The following PSMB7 variants were observed in gnomAD, a reference collection of about 807,000 sequenced individuals.
PSMB7 encodes the protein proteasome subunit beta type-7.
Under a neutral mutation model 28.1 loss-of-function variants are expected in PSMB7, and 5 were observed. The observed-to-expected ratio is 0.18, with a 90% CI of 0.09 to 0.37. The LOEUF (loss-of-function observed/expected upper bound fraction) is 0.37. Ranked by LOEUF, PSMB7 falls within the 10% of genes least tolerant of loss-of-function variation. The pLI is 1.00. For missense variants in PSMB7, 275 were observed against 346.2 expected (o/e 0.79, Z 1.63); for synonymous variants, 122 against 123.7 (o/e 0.99, Z 0.09).
intron 6 of PSMB7, among the ~76,000 whole-genome samples, chr9:124,370,323 T>C (rs1315207106): frequency 6.6e-6 from 1 of 151,514 alleles, no homozygotes; most frequent in East Asian, 1.9e-4. Context: ...TGTTTTTACT[T>C]CAGCTAGCAA....
Position 124,356,172 on chromosome 9 carries a change from C to T in PSMB7, c.722+592G>A, listed in dbSNP as rs1396480137. Among the ~76,000 whole-genome samples, 3 of 152,176 alleles carry T rather than the reference C, an allele frequency of 2.0e-5. No homozygotes were observed. The highest frequency in any genetic ancestry group is 4.4e-5 in the Non-Finnish European group (3 of 68,026). ...CTGCTCCTCTGACACATGCTAGCCA[C>T]CAGGTTTGGAAACCTCCCAGTTCTG... On this transcript the variant is annotated intron_variant, in intron 7 of 7. Coordinates refer to ENST00000259457, the MANE Select transcript of PSMB7 (RefSeq NM_002799.4). The surrounding 1 kb of genome is among the most constrained non-coding windows in gnomAD (Gnocchi z 4.4).
At chr9:124,393,220 G>A (rs1486162217) in intron 5 of PSMB7, among the ~76,000 whole-genome samples, 1 of 152,214 alleles carries the variant, frequency 6.6e-6, no homozygotes, top group Admixed American at 6.5e-5. Flanking sequence ...ACCTCTCACT[G>A]CTCGGTAAAA....
intron 6 of PSMB7, among the ~76,000 whole-genome samples, chr9:124,374,552 C>G (rs1395084234): frequency 6.6e-6 from 1 of 152,188 alleles, no homozygotes; most frequent in Admixed American, 6.5e-5. Flanking sequence ...GACACCAGTA[C>G]CATGGCTTGT....
chr9:124,378,836 A>G (rs1830637668), intron 6 of PSMB7, among the ~76,000 whole-genome samples: 2 of 152,248 alleles, frequency 1.3e-5, no homozygotes, highest in Non-Finnish European at 2.9e-5. Flanking sequence ...AGCTAATGCC[A>G]TATTTCCAGG....
intron 5 of PSMB7, among the ~76,000 whole-genome samples, chr9:124,388,646 G>C (rs919703556): frequency 2.0e-5 from 3 of 152,152 alleles, no homozygotes; most frequent in Non-Finnish European, 1.5e-5. Context: ...AGTTGAGAGA[G>C]GACACGCAAG....
At chr9:124,396,621 A>C (rs1830845965) in intron 5 of PSMB7, 1 of 373,646 alleles carries the variant, frequency 2.7e-6, no homozygotes, top group East Asian at 7.3e-5. Context: ...GGTGCATAGC[A>C]ATGTTTATTC....
At chr9:124,371,819 T>C (rs1830565936) in intron 6 of PSMB7, among the ~76,000 whole-genome samples, 1 of 152,222 alleles carries the variant, frequency 6.6e-6, no homozygotes, top group African/African-American at 2.4e-5. Context: ...AATTCAACAC[T>C]ATCTCTGAAT....
At chr9:124,390,115 G>C (rs888457310) in intron 5 of PSMB7, among the ~76,000 whole-genome samples, 2 of 152,184 alleles carry the variant, frequency 1.3e-5, no homozygotes, top group African/African-American at 4.8e-5. Context: ...CACTGATCAA[G>C]TTCACTAGCA....
chr9:124,404,184 T>C (rs1459149555), intron 5 of PSMB7, among the ~76,000 whole-genome samples: 1 of 152,146 alleles, frequency 6.6e-6, no homozygotes, highest in Admixed American at 6.5e-5. Context: ...CCACCGTGCC[T>C]GGCCCTGATC....
chr9:124,414,573 C>T (rs1401961121), intron 2 of PSMB7, among the ~76,000 whole-genome samples: 1 of 150,292 alleles, frequency 6.7e-6, no homozygotes, highest in African/African-American at 2.5e-5. Context: ...CATACTTCAG[C>T]TTCCTAAACT....
chr9:124,365,004 A>G (rs956303120), intron 6 of PSMB7, among the ~76,000 whole-genome samples: 23 of 152,218 alleles, frequency 1.5e-4, no homozygotes. Context: ...CCCAGGCAGA[A>G]CCAGAAGGAG....
At position 124,357,485 on chromosome 9, in the gene PSMB7, C is replaced by T. The variant is rs149767422; in HGVS notation, c.571-570G>A. Reference sequence around the variant, plus strand: ...AAGAAACTAACACCAAAACACAAGCCGGTAGTTCTGGGGAAATGCTGGCAG... The same window carrying T: ...AAGAAACTAACACCAAAACACAAGCTGGTAGTTCTGGGGAAATGCTGGCAG... On this transcript the variant is annotated intron_variant, in intron 6 of 7. Transcript: ENST00000259457. Among the ~76,000 whole-genome samples, 481 of 152,292 alleles carry T rather than the reference C, an allele frequency of 3.2e-3. 2 individuals carry two copies. The highest frequency in any genetic ancestry group is 0.011 in the African/African-American group (462 of 41,560).
chr9:124,372,047 A>C (rs1421760922), intron 6 of PSMB7, among the ~76,000 whole-genome samples: 1 of 152,264 alleles, frequency 6.6e-6, no homozygotes, highest in East Asian at 1.9e-4. Context: ...TATGTAAAGC[A>C]AAAACATTGC....
Position 124,409,897 on chromosome 9 carries a change from T to C in PSMB7, c.395+2455A>G, listed in dbSNP as rs552985934. On this transcript the variant is annotated intron_variant, in intron 4 of 7. Coordinates refer to ENST00000259457, the MANE Select transcript of PSMB7 (RefSeq NM_002799.4). ...AAAATGTTAAGAGGACATAAAAGAC[T>C]ATAATTATGCTGGTTTATATTTTTA... 2.0e-5 allele frequency among the ~76,000 whole-genome samples: 3 copies of C among 152,354 alleles called. No homozygotes were observed. The East Asian group carries it at 5.8e-4, about 29-fold the overall frequency.
intron 6 of PSMB7, among the ~76,000 whole-genome samples, chr9:124,358,008 A>T (rs1456703586): frequency 6.6e-6 from 1 of 152,178 alleles, no homozygotes; most frequent in East Asian, 1.9e-4. Context: ...TCTATATACA[A>T]CGAGGACAAA....
intron 5 of PSMB7, among the ~76,000 whole-genome samples, chr9:124,392,232 C>T (rs1433448645): frequency 6.6e-6 from 1 of 152,242 alleles, no homozygotes; most frequent in Non-Finnish European, 1.5e-5. Context: ...CAAGCTCATG[C>T]ACCCTTCAGA....
intron 5 of PSMB7, among the ~76,000 whole-genome samples, chr9:124,387,253 AAAAC>A (rs1166216157): frequency 6.6e-6 from 1 of 152,176 alleles, no homozygotes; most frequent in Non-Finnish European, 1.5e-5. Context: ...CTCAAACAAA[AAAAC>A]AAACAAACAA....
At chr9:124,412,276 C>T in intron 4 of PSMB7, 76 bp downstream of exon 4, 3 of 1,429,120 alleles carry the variant, frequency 2.1e-6, no homozygotes, top group Non-Finnish European at 2.9e-6. Context: ...TGCTACTTTC[C>T]AGGCTTCTCT....
At chr9:124,357,326 G>A (rs910796448) in intron 6 of PSMB7, among the ~76,000 whole-genome samples, 1 of 152,178 alleles carries the variant, frequency 6.6e-6, no homozygotes, top group African/African-American at 2.4e-5. Context: ...GTATAACTGT[G>A]TTCCAATAAA....
Sources: allele counts gnomAD v4.1 joint callset (sites outside exome capture counted in the v4.1 genomes callset), GRCh38; gene constraint gnomAD v4.1.1; non-coding constraint Gnocchi (gnomAD v3.1); transcripts MANE v1.5; gene names NCBI Gene and HGNC (gene_info 2026-07-23, HGNC 2026-07-21).